Variants in CLDN14 observed in about 807,000 individuals in gnomAD.
The protein encoded by CLDN14 is claudin 14, also known as claudin-14.
Under a neutral mutation model 2.1 loss-of-function variants are expected in CLDN14, and 2 were observed. That is an observed-to-expected ratio of 0.96 (90% CI 0.39 to 3.01). The LOEUF is 3.01. Among genes scored for constraint, CLDN14 ranks in the 30% most tolerant of loss-of-function variants. The pLI, the probability that CLDN14 is intolerant of heterozygous loss-of-function variation, is 0.09. For synonymous variants in CLDN14, 136 were observed against 154.4 expected, an observed-to-expected ratio of 0.88 and a Z score of 0.88; for missense variants, 298 against 328.0, an observed-to-expected ratio of 0.91 and a Z score of 0.71.
At chr21:36,494,134 T>C (rs2086993986) in intron 2 of CLDN14, among the ~76,000 whole-genome samples, 1 of 152,216 alleles carries the variant, frequency 6.6e-6, no homozygotes, top group East Asian at 1.9e-4. Flanking sequence ...CAGAGGCTGA[T>C]GTCGGACTAG....
chr21:36,490,953 C>G (rs73902542), intron 2 of CLDN14, among the ~76,000 whole-genome samples: 821 of 31,512 alleles, frequency 0.026, 5 homozygotes, highest in African/African-American at 0.044. Context: ...TGCACAGACA[C>G]ACACACACAC....
At chr21:36,495,750 C>T (rs1312392461) in intron 2 of CLDN14, among the ~76,000 whole-genome samples, 1 of 152,158 alleles carries the variant, frequency 6.6e-6, no homozygotes. Flanking sequence ...CACTCAGAAC[C>T]TCAGAACGTG....
intron 1 of CLDN14, among the ~76,000 whole-genome samples, chr21:36,525,955 G>C (rs958247840): frequency 5.3e-5 from 8 of 152,174 alleles, no homozygotes; most frequent in Non-Finnish European, 7.3e-5. Context: ...TGGACCAGAG[G>C]GAAGCGGCAC....
chr21:36,541,896 C>G (rs1443951544), intron 1 of CLDN14, among the ~76,000 whole-genome samples: 1 of 151,888 alleles, frequency 6.6e-6, no homozygotes, highest in Non-Finnish European at 1.5e-5. Context: ...TTTTGTTACC[C>G]CCCCCCAATC....
chr21:36,567,534 G>A (rs564064504), intron 1 of CLDN14, among the ~76,000 whole-genome samples: 3 of 152,324 alleles, frequency 2.0e-5, no homozygotes, highest in Admixed American at 2.0e-4. Context: ...CTTTCATTTA[G>A]GGGGCTGGGG....
chr21:36,562,906 T>G (rs1370737166), intron 1 of CLDN14, among the ~76,000 whole-genome samples: 1 of 152,188 alleles, frequency 6.6e-6, no homozygotes, highest in African/African-American at 2.4e-5. Flanking sequence ...ATCTGGCTCC[T>G]CTGCAAAATG....
At chr21:36,549,474 G>A (rs1011981089) in intron 1 of CLDN14, among the ~76,000 whole-genome samples, 5 of 152,224 alleles carry the variant, frequency 3.3e-5, no homozygotes, top group African/African-American at 1.2e-4. Context: ...ACTGGCAGGT[G>A]TGCAGCTTTC....
intron 1 of CLDN14, among the ~76,000 whole-genome samples, chr21:36,561,259 G>A (rs1601637475): frequency 6.6e-6 from 1 of 152,212 alleles, no homozygotes; most frequent in Non-Finnish European, 1.5e-5. Context: ...ACAGGGAGAA[G>A]AGACCTGGTC....
rs192019075 is a variant in CLDN14, at chr21:36,492,938, G to C, written c.-82+17425C>G. ...TGTTCTCTGTAGGAGGAAGCTCTCTGAGTCCCCCTCTCTGCCTGGGAGCTC... is the reference window on the plus strand; with the variant it reads ...TGTTCTCTGTAGGAGGAAGCTCTCTCAGTCCCCCTCTCTGCCTGGGAGCTC... On this transcript the variant is annotated intron_variant, in intron 2 of 2. Coordinates refer to the CLDN14 transcript ENST00000342108. 4.7e-3 allele frequency among the ~76,000 whole-genome samples: 716 copies of C among 152,316 alleles called. 6 individuals carry two copies. Among genetic ancestry groups the C allele is most frequent in the African/African-American group, 0.014 (599 of 41,568 alleles).
At chr21:36,561,778 C>T (rs1280083749) in intron 1 of CLDN14, among the ~76,000 whole-genome samples, 3 of 152,190 alleles carry the variant, frequency 2.0e-5, no homozygotes, top group Non-Finnish European at 4.4e-5. Flanking sequence ...GCTGACTCCT[C>T]CTTCTGTAGA....
intron 1 of CLDN14, among the ~76,000 whole-genome samples, chr21:36,538,079 C>T (rs983804455): frequency 5.3e-5 from 8 of 152,002 alleles, no homozygotes; most frequent in African/African-American, 1.4e-4. Flanking sequence ...GCCAGGGAGA[C>T]AGTCTACAGG....
At chr21:36,572,746 A>C (rs897550531) in intron 1 of CLDN14, among the ~76,000 whole-genome samples, 1 of 152,144 alleles carries the variant, frequency 6.6e-6, no homozygotes, top group African/African-American at 2.4e-5. Context: ...ACTGCTTATT[A>C]ACTTTGGGAC....
chr21:36,533,547 G>A (rs186142811), intron 1 of CLDN14, among the ~76,000 whole-genome samples: 17 of 152,304 alleles, frequency 1.1e-4, no homozygotes, highest in African/African-American at 3.8e-4. Context: ...ATTGTACCAC[G>A]TGGGAAAATA....
At chr21:36,561,390 T>A (rs1053644250) in intron 1 of CLDN14, among the ~76,000 whole-genome samples, 14 of 152,158 alleles carry the variant, frequency 9.2e-5, no homozygotes, top group African/African-American at 3.4e-4. Flanking sequence ...ACGGGCTACC[T>A]CTCTTGACTT....
chr21:36,492,062 G>A (rs2086970804), intron 2 of CLDN14, among the ~76,000 whole-genome samples: 1 of 152,156 alleles, frequency 6.6e-6, no homozygotes, highest in South Asian at 2.1e-4. Context: ...CCAGCACTTT[G>A]GGAGCTTGAG....
At chr21:36,470,123 T>G (rs1365291695) in intron 1 of CLDN14, among the ~76,000 whole-genome samples, 1 of 152,202 alleles carries the variant, frequency 6.6e-6, no homozygotes, top group African/African-American at 2.4e-5. Context: ...GATTGTTGGA[T>G]GACTTATGGT....
intron 1 of CLDN14, among the ~76,000 whole-genome samples, chr21:36,568,250 C>T (rs995746649): frequency 2.0e-5 from 3 of 152,172 alleles, no homozygotes; most frequent in Admixed American, 6.5e-5. Flanking sequence ...TTCTACTTGA[C>T]CTGTGTGACC....
intron 1 of CLDN14, among the ~76,000 whole-genome samples, chr21:36,549,279 C>G (rs958443594): frequency 2.6e-5 from 4 of 151,622 alleles, no homozygotes; most frequent in African/African-American, 9.7e-5. Flanking sequence ...CACACACACT[C>G]TCTCTCTCTC....
At chr21:36,574,358 G>A (rs1044573820) in intron 1 of CLDN14, among the ~76,000 whole-genome samples, 1 of 152,090 alleles carries the variant, frequency 6.6e-6, no homozygotes, top group African/African-American at 2.4e-5. Flanking sequence ...TTCATACAAT[G>A]GAATACTATA....
Sources: gnomAD v4.1 joint callset for allele counts (sites outside exome capture counted in the v4.1 genomes callset) on GRCh38, gnomAD v4.1.1 for gene constraint, MANE v1.5 for transcripts, NCBI Gene and HGNC (gene_info 2026-07-23, HGNC 2026-07-21) for gene names.